Variants in GRM7 observed in about 807,000 individuals in gnomAD.
GRM7 encodes the protein metabotropic glutamate receptor 7.
In GRM7, 35 loss-of-function variants were observed where a neutral mutation model predicts 84.5. That is an observed-to-expected ratio of 0.41 (90% CI 0.32 to 0.55). The LOEUF (loss-of-function observed/expected upper bound fraction) is 0.55. GRM7 is among the 20% of genes least tolerant of loss of function. The pLI is 0.19. For synonymous variants in GRM7, 487 were observed against 455.1 expected (o/e 1.07, Z -0.89); for missense variants, 1,003 against 1,194.6 (o/e 0.84, Z 2.36).
intron 7 of GRM7, among the ~76,000 whole-genome samples, chr3:7,513,218 C>G (rs1700271465): frequency 6.6e-6 from 1 of 152,180 alleles, no homozygotes. Flanking sequence ...ATTTCCACCT[C>G]TCACCTTTCT....
chr3:7,194,732 A>G (rs1222421075), intron 2 of GRM7, among the ~76,000 whole-genome samples: 1 of 152,190 alleles, frequency 6.6e-6, no homozygotes, highest in Non-Finnish European at 1.5e-5. Context: ...AATCTATTAA[A>G]CAGAGGTAAT....
At chr3:7,242,064 C>T (rs969161553) in intron 2 of GRM7, among the ~76,000 whole-genome samples, 6 of 152,140 alleles carry the variant, frequency 3.9e-5, no homozygotes, top group African/African-American at 1.4e-4. Context: ...TCACTGTTAA[C>T]CACCAACTGA....
At chr3:7,724,803 G>A (rs977972939) in intron 9 of GRM7, among the ~76,000 whole-genome samples, 7 of 152,152 alleles carry the variant, frequency 4.6e-5, no homozygotes, top group African/African-American at 1.7e-4. Flanking sequence ...TCTGTTGCCA[G>A]GCTAGAGTGC....
chr3:7,443,544 CA>C (rs1316115446), intron 5 of GRM7, among the ~76,000 whole-genome samples: 2 of 151,954 alleles, frequency 1.3e-5, no homozygotes, highest in Non-Finnish European at 2.9e-5. Flanking sequence ...TGCCATTTGT[CA>C]AAACAGCTTA....
At chr3:6,910,643 A>G (rs1575003217) in intron 1 of GRM7, among the ~76,000 whole-genome samples, 1 of 152,240 alleles carries the variant, frequency 6.6e-6, no homozygotes, top group South Asian at 2.1e-4. Context: ...GCCTGGCTAC[A>G]TGGAGGCTGA....
In GRM7 at chr3:7,733,936, A is replaced by C. The variant is rs1702411105; in HGVS notation, c.2699-6421A>C. Among the ~76,000 whole-genome samples the C allele has an allele frequency of 2.0e-5, 3 of 152,202 alleles. No individual in the cohort carries two copies. In the South Asian group the frequency reaches 6.2e-4, roughly 32 times the overall value. ...AGCCTTCCCAGGCTTAGCACAGTAC[A>C]TCCTCTTCCAAGACAAAATTAGTCT... On this transcript the variant is annotated intron_variant, in intron 9 of 9. Coordinates refer to ENST00000357716, the MANE Select transcript of GRM7 (RefSeq NM_000844.4).
intron 7 of GRM7, among the ~76,000 whole-genome samples, chr3:7,530,562 G>A (rs148775003): frequency 3.3e-5 from 5 of 151,926 alleles, no homozygotes; most frequent in African/African-American, 4.8e-5. Flanking sequence ...TCCTACCAAC[G>A]GTATAAAAGT....
At chr3:7,581,997 G>A (rs931369536) in intron 8 of GRM7, among the ~76,000 whole-genome samples, 2 of 152,224 alleles carry the variant, frequency 1.3e-5, no homozygotes, top group East Asian at 3.9e-4. Context: ...ATGTGGCCAG[G>A]GATGGAAGTG....
At chr3:7,345,196 C>G (rs1012045991) in intron 4 of GRM7, among the ~76,000 whole-genome samples, 1 of 151,786 alleles carries the variant, frequency 6.6e-6, no homozygotes, top group Non-Finnish European at 1.5e-5. Flanking sequence ...TGAACTTGAT[C>G]TGAACTCACA....
At chr3:7,260,673 T>TGTGTGTGTGTGTG (rs138704668) in intron 2 of GRM7, among the ~76,000 whole-genome samples, 23 of 144,530 alleles carry the variant, frequency 1.6e-4, no homozygotes, top group South Asian at 9.2e-4. Flanking sequence ...TTCTTTTGAA[T>TGTGTGTGTGTGTG]TGTGTGTGTG....
intron 2 of GRM7, among the ~76,000 whole-genome samples, chr3:7,178,319 C>T (rs1695221786): frequency 6.6e-6 from 1 of 151,852 alleles, no homozygotes; most frequent in African/African-American, 2.4e-5. Flanking sequence ...TTGTTTCTGC[C>T]ACTCTCTTCC....
intron 4 of GRM7, among the ~76,000 whole-genome samples, chr3:7,334,270 C>G (rs1701317581): frequency 6.6e-6 from 1 of 152,014 alleles, no homozygotes; most frequent in African/African-American, 2.4e-5. Context: ...AGAAACCCTC[C>G]AAGCAGGAAG....
chr3:7,066,587 T>A (rs1697674366), intron 1 of GRM7, among the ~76,000 whole-genome samples: 1 of 151,936 alleles, frequency 6.6e-6, no homozygotes, highest in Non-Finnish European at 1.5e-5. Context: ...AGCAGCATTC[T>A]ACCAGACATT....
chr3:7,160,990 G>A (rs59183559), intron 2 of GRM7, among the ~76,000 whole-genome samples: 38,443 of 152,006 alleles, frequency 0.25, 5,365 homozygotes, highest in Non-Finnish European at 0.32. Flanking sequence ...AACTAAATCA[G>A]TCTTTTAGGG....
Position 7,661,911 on chromosome 3 carries a change from C to CAAAGT in GRM7, c.2452-18136_2452-18132dup, listed in dbSNP as rs555291838. Among the ~76,000 whole-genome samples the CAAAGT allele has an allele frequency of 8.3e-4, 125 of 151,248 alleles. 1 individual carries two copies. The South Asian group carries it at 0.024, about 29-fold the overall frequency. ...ACCACATGATCCAGCCATTCCTCTC[C>CAAAGT]AAAGTATTTATCCCCCCCAATGAAA... On this transcript the variant is annotated intron_variant, in intron 8 of 9. Transcript: ENST00000357716.
chr3:7,120,361 G>A lies in GRM7; in HGVS notation c.520-26091G>A, dbSNP rs1003906763. Among the ~76,000 whole-genome samples, 12 of 152,104 alleles carry A rather than the reference G, an allele frequency of 7.9e-5. 1 individual carries two copies. Among genetic ancestry groups the A allele is most frequent in the Admixed American group, 3.9e-4 (6 of 15,242 alleles). The stretch of plus-strand genomic sequence containing the variant: ...TTTACATAATATTTTTAGGGAGTGA[G>A]AAGCTGGAAAAATTTGGGGTACCCA... On this transcript the variant is annotated intron_variant, in intron 1 of 9. Transcript: ENST00000357716.
At chr3:6,979,651 A>G (rs576350053) in intron 1 of GRM7, among the ~76,000 whole-genome samples, 1 of 152,330 alleles carries the variant, frequency 6.6e-6, no homozygotes, top group South Asian at 2.1e-4. Context: ...AAGGTCTATT[A>G]TTGATATAAC....
chr3:7,348,292 C>A lies in GRM7; in HGVS notation c.1033+41640C>A, dbSNP rs1460342548. On this transcript the variant is annotated intron_variant, in intron 4 of 9. Coordinates refer to ENST00000357716, the MANE Select transcript of GRM7 (RefSeq NM_000844.4). ...ATACCATTTTTTTCTCCCACTAGGT[C>A]TGTTGCCTTATTGGCATGCCCCAAC... Among the ~76,000 whole-genome samples the A allele has an allele frequency of 5.3e-5, 8 of 152,196 alleles. No individual in the cohort carries two copies. The East Asian group carries it at 1.6e-3, about 30-fold the overall frequency.
intron 4 of GRM7, among the ~76,000 whole-genome samples, chr3:7,344,220 T>C (rs1692783900): frequency 6.6e-6 from 1 of 151,694 alleles, no homozygotes; most frequent in Non-Finnish European, 1.5e-5. Flanking sequence ...TATTAGTTAT[T>C]TTTTCTGATG....
Sources: allele counts gnomAD v4.1 joint callset (sites outside exome capture counted in the v4.1 genomes callset), GRCh38; gene constraint gnomAD v4.1.1; transcripts MANE v1.5; gene names NCBI Gene and HGNC (gene_info 2026-07-23, HGNC 2026-07-21).